PRDM4: variants seen among roughly 807,000 people sequenced by gnomAD.
PRDM4 encodes the protein PR/SET domain 4.
A neutral mutation model predicts 62.3 loss-of-function variants in PRDM4; 38 were observed. The ratio of observed to expected loss-of-function variants is 0.61; its 90% CI spans 0.47 to 0.80. The LOEUF (loss-of-function observed/expected upper bound fraction) is 0.80, where lower values mean the gene tolerates loss of function less well. Ranked by LOEUF, PRDM4 falls within the 30% of genes least tolerant of loss-of-function variation. The pLI is 0.00. For synonymous variants in PRDM4, 339 were observed against 348.2 expected (o/e 0.97, Z 0.30); for missense variants, 858 against 997.1 (o/e 0.86, Z 1.88).
chr12:107,734,376 C>T lies in PRDM4; in HGVS notation c.2240G>A (p.Arg747His), dbSNP rs1890262471. 6.2e-7 allele frequency: 1 copy of T among 1,614,080 alleles called. No individual in the cohort carries two copies. Among genetic ancestry groups the T allele is most frequent in the Non-Finnish European group, 8.5e-7 (1 of 1,179,986 alleles). ...GGGCCCTTTGCAGGTTTTCAGGTGG[C>T]GGGTGAGATGGTATTTGGTTAGATA... ...KAYLTKYHLT[R>H]HLKTCKGPTS... Residue 747 changes from arginine (R) to histidine (H), a missense_variant, in exon 12 of 12, where the codon CGC (arginine) becomes CAC (histidine). Transcript: ENST00000228437.
intron 11 of PRDM4, chr12:107,738,486 G>C (rs1241611937): frequency 1.3e-5 from 2 of 152,196 alleles, no homozygotes; most frequent in Non-Finnish European, 2.9e-5. Flanking sequence ...CGTTTTCAGT[G>C]AAGGTAAGAT....
In PRDM4 at chr12:107,751,548, G is replaced by A. The variant is rs754300686; in HGVS notation, c.993C>T (p.Ser331=). The change falls in exon 5 of 12, where the codon TCC becomes TCT. Residue 331 remains serine (S), a synonymous_variant. Coordinates refer to ENST00000228437, the MANE Select transcript of PRDM4 (RefSeq NM_012406.4). Reference sequence around the variant, plus strand: ...TCCCCATAGCAACCTCCTGGGTGATGGAGGAGACAGCCACAGGTTCTAGGC... The same window carrying A: ...TCCCCATAGCAACCTCCTGGGTGATAGAGGAGACAGCCACAGGTTCTAGGC... ...GLSLEPVAVS[S]ITQEVAMGTG... The A allele has an allele frequency of 1.2e-6, 2 of 1,612,366 alleles. No homozygotes were observed. The highest frequency in any genetic ancestry group is 2.2e-5 in the South Asian group (2 of 91,056).
rs141953218 is a variant in PRDM4, at chr12:107,750,214, C to T, written c.1126+1201G>A. ...GTACACATACTGTCTCTTGGTAGATCGTTCTATCCCTAGCATCTAGCAGAG... is the reference window on the plus strand; with the variant it reads ...GTACACATACTGTCTCTTGGTAGATTGTTCTATCCCTAGCATCTAGCAGAG... On this transcript the variant is annotated intron_variant, in intron 5 of 11. Coordinates refer to ENST00000228437, the MANE Select transcript of PRDM4 (RefSeq NM_012406.4). Among the ~76,000 whole-genome samples the T allele has an allele frequency of 1.0e-3, 156 of 152,268 alleles. 1 individual carries two copies. Among genetic ancestry groups the T allele is most frequent in the African/African-American group, 3.5e-3 (144 of 41,562 alleles).
intron 3 of PRDM4, among the ~76,000 whole-genome samples, chr12:107,756,423 C>T (rs1317123040): frequency 3.3e-5 from 5 of 152,156 alleles, no homozygotes; most frequent in Non-Finnish European, 7.3e-5. Flanking sequence ...AATTTCAAAC[C>T]TGGTGGAATA....
intron 6 of PRDM4, among the ~76,000 whole-genome samples, chr12:107,745,391 G>A (rs1890665912): frequency 6.6e-6 from 1 of 152,046 alleles, no homozygotes; most frequent in African/African-American, 2.4e-5. Flanking sequence ...GTGAGATGCT[G>A]TCTCTACAAA....
chr12:107,747,973 G>A (rs564926598), intron 5 of PRDM4, among the ~76,000 whole-genome samples: 11 of 151,968 alleles, frequency 7.2e-5, no homozygotes, highest in African/African-American at 2.2e-4. Context: ...GGCTGGTCTC[G>A]AACGCATGAG....
At chr12:107,735,829 G>A (rs1256912571) in intron 11 of PRDM4, among the ~76,000 whole-genome samples, 1 of 150,750 alleles carries the variant, frequency 6.6e-6, no homozygotes, top group Non-Finnish European at 1.5e-5. Context: ...AGTTAAAGCA[G>A]GTTATTAATA....
In PRDM4 at chr12:107,742,953, A is replaced by G. The variant is rs374288987; in HGVS notation, c.1481+244T>C. Reference sequence around the variant, plus strand: ...AATTTGAAAAAAACTTTTTTTAGAGATGAGGGTCTTGCTATGTTTCCCAGG... The same window carrying G: ...AATTTGAAAAAAACTTTTTTTAGAGGTGAGGGTCTTGCTATGTTTCCCAGG... On this transcript the variant is annotated intron_variant, in intron 8 of 11. Transcript: ENST00000228437. 4.6e-5 allele frequency among the ~76,000 whole-genome samples: 7 copies of G among 152,038 alleles called. No individual in the cohort carries two copies. In the South Asian group the frequency reaches 1.2e-3, roughly 27 times the overall value.
intron 3 of PRDM4, among the ~76,000 whole-genome samples, chr12:107,755,428 T>C (rs78959790): frequency 0.052 from 7,976 of 152,194 alleles, 704 homozygotes; most frequent in African/African-American, 0.18. Flanking sequence ...TTTTCCACCT[T>C]AACAAGAGTG....
intron 11 of PRDM4, among the ~76,000 whole-genome samples, chr12:107,737,287 A>G (rs1431488316): frequency 2.0e-5 from 3 of 152,094 alleles, no homozygotes; most frequent in African/African-American, 7.2e-5. Flanking sequence ...TCCACTTTGA[A>G]ATGCCCCAAA....
At chr12:107,738,685 C>T (rs1480071564) in intron 11 of PRDM4, among the ~76,000 whole-genome samples, 2 of 152,016 alleles carry the variant, frequency 1.3e-5, no homozygotes, top group African/African-American at 4.8e-5. Flanking sequence ...TTAGGCTTCC[C>T]CACCCTCAAT....
chr12:107,738,703 T>C (rs991762015), intron 11 of PRDM4, among the ~76,000 whole-genome samples: 1 of 152,224 alleles, frequency 6.6e-6, no homozygotes, highest in Non-Finnish European at 1.5e-5. Context: ...AATCATCCTC[T>C]GTTCAGCTGC....
Position 107,754,086 on chromosome 12 carries a change from G to A in PRDM4, c.169C>T (p.Leu57=). Residue 57 remains leucine (L), a synonymous_variant, in exon 4 of 12, where the codon CTG becomes TTG. Transcript: ENST00000228437. Reference sequence around the variant, plus strand: ...GGCAGAGAGCTCAGGGAGGGACCCAGGTTTGGAATTGCCACTGGGAGGCCT... The same window carrying A: ...GGCAGAGAGCTCAGGGAGGGACCCAAGTTTGGAATTGCCACTGGGAGGCCT... ...APGLPVAIPN[L]GPSLSSLPSA... 3.1e-6 allele frequency: 5 copies of A among 1,602,788 alleles called. No homozygotes were observed. Among genetic ancestry groups the A allele is most frequent in the Non-Finnish European group, 4.3e-6 (5 of 1,175,552 alleles).
At chr12:107,750,189 G>C (rs1343682579) in intron 5 of PRDM4, among the ~76,000 whole-genome samples, 1 of 152,152 alleles carries the variant, frequency 6.6e-6, no homozygotes, top group African/African-American at 2.4e-5. Flanking sequence ...TTAAAGGTAT[G>C]TACACATACT....
In PRDM4 at chr12:107,751,704, G is replaced by A; in HGVS notation, c.837C>T (p.Gly279=). The A allele has an allele frequency of 6.2e-7, 1 of 1,614,160 alleles. No individual in the cohort carries two copies. Among genetic ancestry groups the A allele is most frequent in the Non-Finnish European group, 8.5e-7 (1 of 1,180,036 alleles). ...ETDHIASRVN[G]MSDSALSDSI... Reference sequence around the variant, plus strand: ...AGTCACTGAGGGCACTGTCAGACATGCCATTGACCCGACTTGCAATGTGGT... The same window carrying A: ...AGTCACTGAGGGCACTGTCAGACATACCATTGACCCGACTTGCAATGTGGT... Residue 279 remains glycine, a synonymous_variant, in exon 5 of 12, where the codon GGC becomes GGT. Transcript: ENST00000228437.
At chr12:107,736,003 TG>T (rs1166460840) in intron 11 of PRDM4, among the ~76,000 whole-genome samples, 1 of 152,090 alleles carries the variant, frequency 6.6e-6, no homozygotes, top group Non-Finnish European at 1.5e-5. Flanking sequence ...ATTCTGCAGA[TG>T]GGAAACATCA....
At chr12:107,740,018 T>G (rs1183779086) in intron 10 of PRDM4, among the ~76,000 whole-genome samples, 2 of 151,968 alleles carry the variant, frequency 1.3e-5, no homozygotes, top group Non-Finnish European at 2.9e-5. Context: ...AATGCAAAAA[T>G]AAGATTCCTC....
chr12:107,758,905 G>A (rs1004486194), intron 2 of PRDM4, among the ~76,000 whole-genome samples: 1 of 152,156 alleles, frequency 6.6e-6, no homozygotes, highest in Non-Finnish European at 1.5e-5. Context: ...CAGAAAGACA[G>A]CTAGAAGCAC....
intron 5 of PRDM4, among the ~76,000 whole-genome samples, chr12:107,748,376 A>T (rs1216953252): frequency 6.6e-6 from 1 of 152,230 alleles, no homozygotes; most frequent in East Asian, 1.9e-4. Flanking sequence ...AAAAACTTGT[A>T]CATGAGAGTT....
Sources: gnomAD v4.1 joint callset for allele counts (sites outside exome capture counted in the v4.1 genomes callset) on GRCh38, gnomAD v4.1.1 for gene constraint, MANE v1.5 for transcripts, NCBI Gene and HGNC (gene_info 2026-07-23, HGNC 2026-07-21) for gene names.